CA8: variants seen among roughly 807,000 people sequenced by gnomAD.
The protein encoded by CA8 is carbonic anhydrase-related protein.
CA8 carries 22 observed loss-of-function variants against 41.4 expected under a neutral mutation model. That is an observed-to-expected ratio of 0.53 (90% CI 0.38 to 0.76). The LOEUF is 0.76. CA8 is among the 30% of genes least tolerant of loss of function. The probability of loss-of-function intolerance (pLI) is 0.00; values close to 1 mark genes in which losing one functional copy is unlikely to be tolerated. For synonymous variants in CA8, 121 were observed against 130.6 expected, an observed-to-expected ratio of 0.93 and a Z score of 0.50; for missense variants, 270 against 352.8, an observed-to-expected ratio of 0.77 and a Z score of 1.88.
At chr8:60,249,360 T>C (rs886072299) in intron 3 of CA8, among the ~76,000 whole-genome samples, 20 of 152,178 alleles carry the variant, frequency 1.3e-4, no homozygotes, top group African/African-American at 4.8e-4. Flanking sequence ...AGAGGAAATA[T>C]TTCCTACTAT....
chr8:60,247,953 G>A (rs149741487), intron 3 of CA8, among the ~76,000 whole-genome samples: 1 of 152,296 alleles, frequency 6.6e-6, no homozygotes, highest in African/African-American at 2.4e-5. Context: ...CATTCTGACT[G>A]GTGTGAGATG....
chr8:60,263,668 T>C (rs1563378209), intron 3 of CA8, among the ~76,000 whole-genome samples: 1 of 152,206 alleles, frequency 6.6e-6, no homozygotes. Context: ...GGACCTGTAG[T>C]CCCCTGTATG....
intron 3 of CA8, among the ~76,000 whole-genome samples, chr8:60,234,530 T>C (rs971826137): frequency 1.3e-5 from 2 of 152,236 alleles, no homozygotes; most frequent in African/African-American, 4.8e-5. Context: ...TTATAATTTT[T>C]CTATAAATGT....
At chr8:60,203,900 A>C (rs147274338) in intron 8 of CA8, among the ~76,000 whole-genome samples, 205 of 152,324 alleles carry the variant, frequency 1.3e-3, no homozygotes, top group African/African-American at 4.8e-3. Context: ...TGATAAATTT[A>C]ATAGAGACAC....
At chr8:60,226,962 AC>A in intron 4 of CA8, 27 bp from the exon 5 acceptor site, 1 of 1,524,250 alleles carries the variant, frequency 6.6e-7, no homozygotes, top group Non-Finnish European at 9.1e-7. Context: ...ATAAACCACA[AC>A]CACAACATTT....
At chr8:60,208,985 T>C in intron 7 of CA8, 66 bp from the exon 8 acceptor site, 2 of 1,480,438 alleles carry the variant, frequency 1.4e-6, no homozygotes, top group South Asian at 1.1e-5. Context: ...TGGAGTTTCA[T>C]AAATGACATG....
chr8:60,241,332 A>G (rs991509425), intron 3 of CA8, among the ~76,000 whole-genome samples: 12 of 152,368 alleles, frequency 7.9e-5, no homozygotes, highest in African/African-American at 2.6e-4. Context: ...GTATACAGAT[A>G]GGTAGAAGAG....
At chr8:60,262,531 T>C (rs1298797765) in intron 3 of CA8, among the ~76,000 whole-genome samples, 1 of 152,160 alleles carries the variant, frequency 6.6e-6, no homozygotes, top group Non-Finnish European at 1.5e-5. Flanking sequence ...AATATCACAA[T>C]GCAAAACACC....
intron 3 of CA8, among the ~76,000 whole-genome samples, chr8:60,258,491 T>G (rs966519349): frequency 3.3e-5 from 5 of 152,152 alleles, no homozygotes; most frequent in Non-Finnish European, 7.3e-5. Flanking sequence ...CTTTTTGGCA[T>G]CAGGGACCAG....
At chr8:60,265,677 G>A (rs1283302124) in intron 3 of CA8, 1 of 480,856 alleles carries the variant, frequency 2.1e-6, no homozygotes, top group Admixed American at 3.5e-5. Context: ...TAACACTAGG[G>A]TGAAATTTAA....
rs376629071 is a variant in CA8 at position 60,248,192 on chromosome 8, T to C, written c.418-15813A>G. ...GCAGATTTCACAAATTTTCTCCCAT[T>C]CTGTAGGCTGCCTGTTCACTCTGAT... On this transcript the variant is annotated intron_variant, in intron 3 of 8. Transcript: ENST00000317995. Among the ~76,000 whole-genome samples the C allele has an allele frequency of 1.6e-4, 24 of 152,326 alleles. No homozygotes were observed. In the East Asian group the frequency reaches 2.7e-3, roughly 17 times the overall value.
At chr8:60,244,651 T>C (rs1353686729) in intron 3 of CA8, among the ~76,000 whole-genome samples, 3 of 152,238 alleles carry the variant, frequency 2.0e-5, no homozygotes, top group South Asian at 2.1e-4. Context: ...ACATAGCTAA[T>C]AGATTGTCTA....
rs567930358 is a variant in CA8, at chr8:60,270,363, G to A, written c.293-4314C>T. 6.0e-4 allele frequency among the ~76,000 whole-genome samples: 92 copies of A among 152,234 alleles called. 1 individual carries two copies. The highest frequency in any genetic ancestry group is 2.1e-3 in the African/African-American group (89 of 41,552). ...CCAGTGGGTCCCTGGTACACCACCC[G>A]AAGGATCCAAAGGATTCATTCTTAT... On this transcript the variant is annotated intron_variant, in intron 2 of 8. Transcript: ENST00000317995.
At chr8:60,276,580 G>A (rs533484437) in intron 2 of CA8, among the ~76,000 whole-genome samples, 1 of 152,122 alleles carries the variant, frequency 6.6e-6, no homozygotes, top group South Asian at 2.1e-4. Flanking sequence ...AAAATAATGA[G>A]TATTAATTTA....
intron 3 of CA8, among the ~76,000 whole-genome samples, chr8:60,258,439 T>A (rs1803620856): frequency 6.6e-6 from 1 of 152,214 alleles, no homozygotes; most frequent in African/African-American, 2.4e-5. Flanking sequence ...CCTCCACAGT[T>A]AAGGGGGTAC....
At chr8:60,266,221 G>A (rs1803897549) in intron 2 of CA8, among the ~76,000 whole-genome samples, 172 bp from the exon 3 acceptor site, 1 of 152,062 alleles carries the variant, frequency 6.6e-6, no homozygotes, top group Non-Finnish European at 1.5e-5. Context: ...AAACTATCTA[G>A]GCTTGGCTGA....
chr8:60,241,724 G>A (rs903053540), intron 3 of CA8, among the ~76,000 whole-genome samples: 5 of 151,394 alleles, frequency 3.3e-5, no homozygotes, highest in Admixed American at 6.6e-5. Context: ...TTGATTTCCA[G>A]GAAATATCCT....
chr8:60,197,038 A>G (rs1464299026), intron 8 of CA8, among the ~76,000 whole-genome samples: 1 of 152,202 alleles, frequency 6.6e-6, no homozygotes, highest in Non-Finnish European at 1.5e-5. Context: ...GGTGAAGGTG[A>G]AAAGTGTAAT....
At chr8:60,239,887 C>G (rs954067464) in intron 3 of CA8, among the ~76,000 whole-genome samples, 1 of 152,204 alleles carries the variant, frequency 6.6e-6, no homozygotes, top group African/African-American at 2.4e-5. Flanking sequence ...GTAAGACGTG[C>G]CTTTCACCTT....
Sources: gnomAD v4.1 joint callset for allele counts (sites outside exome capture counted in the v4.1 genomes callset) on GRCh38, gnomAD v4.1.1 for gene constraint, MANE v1.5 for transcripts, NCBI Gene and HGNC (gene_info 2026-07-23, HGNC 2026-07-21) for gene names.